Variants in RNF213 observed in about 807,000 individuals in gnomAD.
RNF213 encodes the protein ring finger protein 213.
RNF213 carries 341 observed loss-of-function variants against 514.4 expected under a neutral mutation model. The observed-to-expected ratio is 0.66, with a 90% confidence interval of 0.61 to 0.73. The LOEUF (loss-of-function observed/expected upper bound fraction) is 0.73. Ranked by LOEUF, RNF213 falls within the 30% of genes least tolerant of loss-of-function variation. The pLI is 0.00. For synonymous variants in RNF213, 2,655 were observed against 2,658.2 expected (o/e 1.00, Z 0.04); for missense variants, 5,767 against 6,615.6 (o/e 0.87, Z 4.45).
intron 65 of RNF213, 73 bp from the exon 66 acceptor site, chr17:80,389,755 G>A: frequency 7.8e-7 from 1 of 1,280,412 alleles, no homozygotes; most frequent in Non-Finnish European, 1.1e-6. Context: ...AGAGCACTCA[G>A]GCTCCCTGGT....
At position 80,383,895 on chromosome 17, in the gene RNF213, A is replaced by G; in HGVS notation, c.14289A>G (p.Glu4763=). The G allele has an allele frequency of 1.2e-6, 2 of 1,614,186 alleles. No individual in the cohort carries two copies. Among genetic ancestry groups the G allele is most frequent in the Non-Finnish European group, 1.7e-6 (2 of 1,180,028 alleles). The part of the protein sequence containing the change: ...QHIVEQKNGK[E]RVPILWHFLQ... Reference sequence around the variant, plus strand: ...TTGTGGAACAGAAAAATGGCAAAGAAAGAGTGCCCATCCTCTGGCATTTCC... The same window carrying G: ...TTGTGGAACAGAAAAATGGCAAAGAGAGAGTGCCCATCCTCTGGCATTTCC... The change falls in exon 59 of 68, where the codon GAA becomes GAG. Residue 4763 remains glutamate (E), a synonymous_variant. Transcript: ENST00000582970.
At chr17:80,354,708 G>C in intron 36 of RNF213, 132 bp downstream of exon 36, 1 of 1,214,930 alleles carries the variant, frequency 8.2e-7, no homozygotes, top group Non-Finnish European at 1.2e-6. Flanking sequence ...GCCATTCAAA[G>C]CTGTAAAGTT....
At chr17:80,389,402 C>T in intron 65 of RNF213, 35 bp downstream of exon 65, 4 of 1,588,810 alleles carry the variant, frequency 2.5e-6, no homozygotes, top group Non-Finnish European at 3.5e-6. Flanking sequence ...TCAGCACAGC[C>T]CCTCACCCTG....
At position 80,288,752 on chromosome 17, in the gene RNF213, C is replaced by T; in HGVS notation, c.930C>T (p.Cys310=). ...PATTPPFKTH[C]QEAETKTKDE... Reference sequence around the variant, plus strand: ...CCACTCCTCCTTTCAAAACACACTGCCAGGTGCGTCTCCTTCCTGCCTGCC... The same window carrying T: ...CCACTCCTCCTTTCAAAACACACTGTCAGGTGCGTCTCCTTCCTGCCTGCC... The change falls in exon 5 of 68, where the codon TGC becomes TGT. Residue 310 remains cysteine (C), a synonymous_variant. Transcript: ENST00000582970. The surrounding 1 kb of genome is among the most constrained non-coding windows in gnomAD (Gnocchi z 4.9). 6.2e-7 allele frequency: 1 copy of T among 1,614,168 alleles called. No individual in the cohort carries two copies. The highest frequency in any genetic ancestry group is 1.1e-5 in the South Asian group (1 of 91,082).
At chr17:80,336,630 G>A (rs1230728795) in intron 23 of RNF213, 2 of 508,468 alleles carry the variant, frequency 3.9e-6, no homozygotes, top group Non-Finnish European at 7.3e-6. Context: ...AGACAGAAGG[G>A]AAATATGCTG....
chr17:80,302,500 C>G (rs1331126211), intron 11 of RNF213, among the ~76,000 whole-genome samples: 2 of 152,042 alleles, frequency 1.3e-5, no homozygotes, highest in Non-Finnish European at 2.9e-5. Flanking sequence ...GTATTGTATA[C>G]ATATATAGAA....
At position 80,264,911 on chromosome 17, in the gene RNF213, T is replaced by G. The variant is rs1484364544; in HGVS notation, c.97+1133T>G. Among the ~76,000 whole-genome samples the G allele has an allele frequency of 6.6e-6, 1 of 152,034 alleles. No homozygotes were observed. Among genetic ancestry groups the G allele is most frequent in the Non-Finnish European group, 1.5e-5 (1 of 68,016 alleles). ...CAGGTGTGCTTCCACCGCAGGGCCT[T>G]TGCACCACCCTTCCCCAGAGGGCGG... On this transcript the variant is annotated intron_variant, in intron 2 of 67. Transcript: ENST00000582970. The surrounding 1 kb of genome is among the most constrained non-coding windows in gnomAD (Gnocchi z 5.0).
chr17:80,386,723 G>A lies in RNF213; in HGVS notation c.14754G>A (p.Leu4918=), dbSNP rs577698176. 2.1e-5 allele frequency: 34 copies of A among 1,614,110 alleles called. No individual in the cohort carries two copies. In the African/African-American group the frequency reaches 2.8e-4, roughly 13 times the overall value. Residue 4918 remains leucine (L), a synonymous_variant, in exon 63 of 68, where the codon CTG becomes CTA. Transcript: ENST00000582970. ...YSVDAAEVTE[L]HVISYEVERD... is the part of the protein sequence containing the mutation. Reference sequence around the variant, plus strand: ...TGGATGCCGCCGAGGTCACTGAACTGCATGTCATCAGTTATGAAGTGGAGC... The same window carrying A: ...TGGATGCCGCCGAGGTCACTGAACTACATGTCATCAGTTATGAAGTGGAGC...
At position 80,345,459 on chromosome 17, in the gene RNF213, A is replaced by C; in HGVS notation, c.7124A>C (p.Glu2375Ala). The C allele has an allele frequency of 1.2e-6, 2 of 1,611,812 alleles. No individual in the cohort carries two copies. The highest frequency in any genetic ancestry group is 8.5e-7 in the Non-Finnish European group (1 of 1,178,380). Residue 2375 changes from glutamate to alanine, a missense_variant, in exon 29 of 68, where the codon GAG becomes GCG. Around this residue, in one of 13 missense-constraint regions of RNF213, gnomAD observed 1,377 missense variants for 1,635.2 expected, o/e 0.84. Transcript: ENST00000582970. The surrounding 1 kb of genome is among the most constrained non-coding windows in gnomAD (Gnocchi z 6.0). ...AAACTGCCCAGACACAAGAAACTTGAGAGGCTCTGCCTGACCTTAGGGATC... is the reference window on the plus strand; with the variant it reads ...AAACTGCCCAGACACAAGAAACTTGCGAGGCTCTGCCTGACCTTAGGGATC... ...FDKLPRHKKL[E>A]RLCLTLGIPQ...
rs565239146 is a variant in RNF213 at position 80,269,806 on chromosome 17, C to T, written c.98-3435C>T. Among the ~76,000 whole-genome samples the T allele has an allele frequency of 9.2e-5, 14 of 152,338 alleles. No homozygotes were observed. The South Asian group carries it at 2.7e-3, about 29-fold the overall frequency. Reference sequence around the variant, plus strand: ...TCTACCTATCTACCTGTCTACCTACCTACCTACATATTCTATAGTTCTGCT... The same window carrying T: ...TCTACCTATCTACCTGTCTACCTACTTACCTACATATTCTATAGTTCTGCT... On this transcript the variant is annotated intron_variant, in intron 2 of 67. Transcript: ENST00000582970.
chr17:80,376,176 C>G (rs1014616241), intron 51 of RNF213, 125 bp from the exon 52 acceptor site: 84 of 1,184,254 alleles, frequency 7.1e-5, no homozygotes, highest in East Asian at 2.4e-5. Context: ...ATTTCCCCCT[C>G]AAATGGTGGT....
Position 80,381,609 on chromosome 17 carries a change from C to A in RNF213, c.13860C>A (p.Ile4620=), listed in dbSNP as rs370281360. ...CAAAAGGCTTTCTGCAGCAGCACATCCTGAAGGACCTGGAGCAGTTGGCCA... is the reference window on the plus strand; with the variant it reads ...CAAAAGGCTTTCTGCAGCAGCACATACTGAAGGACCTGGAGCAGTTGGCCA... ...RDPKGFLQQH[I]LKDLEQLAKM... Residue 4620 remains isoleucine (I), a synonymous_variant, in exon 57 of 68, where the codon ATC becomes ATA. Coordinates refer to ENST00000582970, the MANE Select transcript of RNF213 (RefSeq NM_001256071.3). 3 of 1,614,222 alleles carry A rather than the reference C, an allele frequency of 1.9e-6. No individual in the cohort carries two copies. The highest frequency in any genetic ancestry group is 2.5e-6 in the Non-Finnish European group (3 of 1,180,038).
chr17:80,390,956 G>A (rs759575167), intron 67 of RNF213, among the ~76,000 whole-genome samples: 1 of 152,068 alleles, frequency 6.6e-6, no homozygotes, highest in Non-Finnish European at 1.5e-5. Context: ...CACCTACTCA[G>A]GAGGCTGAGG....
intron 18 of RNF213, among the ~76,000 whole-genome samples, chr17:80,326,131 T>C (rs1351010166): frequency 1.3e-5 from 2 of 151,810 alleles, no homozygotes; most frequent in Non-Finnish European, 2.9e-5. Flanking sequence ...GCAGTTTATT[T>C]AATTTTAAAA....
chr17:80,302,118 G>A (rs921071077), intron 11 of RNF213, among the ~76,000 whole-genome samples: 42 of 152,188 alleles, frequency 2.8e-4, no homozygotes, highest in African/African-American at 8.9e-4. Flanking sequence ...TAGTAGTTAC[G>A]AGAGGCGAGG....
At chr17:80,334,048 C>T in intron 21 of RNF213, 57 bp from the exon 22 acceptor site, 1 of 1,533,940 alleles carries the variant, frequency 6.5e-7, no homozygotes, top group South Asian at 1.2e-5. Context: ...TTGCAGCTCA[C>T]AGATTCTGGG....
At chr17:80,293,065 A>T (rs59452568) in intron 8 of RNF213, among the ~76,000 whole-genome samples, 26,713 of 151,570 alleles carry the variant, frequency 0.18, 3,069 homozygotes, top group East Asian at 0.32. Flanking sequence ...ATATATATAT[A>T]TTTTTTTTCT....
chr17:80,317,348 A>G lies in RNF213; in HGVS notation c.2901+71A>G. The G allele has an allele frequency of 2.9e-6, 4 of 1,384,000 alleles. No homozygotes were observed. Among genetic ancestry groups the G allele is most frequent in the African/African-American group, 1.4e-5 (1 of 71,012 alleles). 85.7% of individuals were successfully genotyped at this position (1,384,000 alleles called of 1,614,324 possible). A position where few individuals can be genotyped will look rare whatever the true frequency, so the allele number is the denominator to read the frequency against. On this transcript the variant is annotated intron_variant, in intron 16 of 67. Transcript: ENST00000582970. The surrounding 1 kb of genome is among the most constrained non-coding windows in gnomAD (Gnocchi z 4.1). ...TGGAGAACCCCAGACCATTAGCGAC[A>G]GCCAAGAGATCTCAGCAGTGCCTCT...
rs916294373 is a variant in RNF213 at position 80,339,947 on chromosome 17, T to A, written c.5580T>A (p.Asp1860Glu). The A allele has an allele frequency of 1.3e-6, 2 of 1,536,832 alleles. No individual in the cohort carries two copies. The highest frequency in any genetic ancestry group is 1.2e-5 in the South Asian group (1 of 84,054). Residue 1860 changes from aspartate (D) to glutamate (E), a missense_variant, in exon 26 of 68, where the codon GAT becomes GAA. Around this residue, in one of 13 missense-constraint regions of RNF213, gnomAD observed 1,377 missense variants for 1,635.2 expected, o/e 0.84. Coordinates refer to ENST00000582970, the MANE Select transcript of RNF213 (RefSeq NM_001256071.3). The part of the protein sequence containing the change: ...QTPSQPLPTY[D>E]EVLLCTPATT... ...CAAGCCAGCCCCTGCCCACTTACGATGAGGTGCTGCTCTGCACCCCGGCAA... is the reference window on the plus strand; with the variant it reads ...CAAGCCAGCCCCTGCCCACTTACGAAGAGGTGCTGCTCTGCACCCCGGCAA...
Sources: allele counts gnomAD v4.1 joint callset (sites outside exome capture counted in the v4.1 genomes callset), GRCh38; gene constraint gnomAD v4.1.1; regional missense constraint gnomAD v4.1.1; non-coding constraint Gnocchi (gnomAD v3.1); transcripts MANE v1.5; gene names NCBI Gene and HGNC (gene_info 2026-07-23, HGNC 2026-07-21).